SDHC: variants seen among roughly 807,000 people sequenced by gnomAD.
SDHC encodes succinate dehydrogenase complex subunit C.
In SDHC, 11 loss-of-function variants were observed where a neutral mutation model predicts 22.6. That is an observed-to-expected ratio of 0.49 (90% CI 0.31 to 0.81). SDHC has a LOEUF of 0.81. Among genes scored for constraint, SDHC ranks in the 30% least tolerant of loss-of-function variants. The pLI is 0.05. For synonymous variants in SDHC, 80 were observed against 77.8 expected (o/e 1.03, Z -0.15); for missense variants, 160 against 212.0 (o/e 0.75, Z 1.52).
chr1:161,335,060 G>A (rs1350695354), intron 3 of SDHC, among the ~76,000 whole-genome samples: 1 of 152,184 alleles, frequency 6.6e-6, no homozygotes, highest in East Asian at 1.9e-4. Context: ...TTTTCCTGCA[G>A]TATGGGAGAG....
chr1:161,341,309 C>G (rs890593871), intron 4 of SDHC, among the ~76,000 whole-genome samples: 5 of 152,330 alleles, frequency 3.3e-5, no homozygotes, highest in Admixed American at 2.0e-4. Context: ...AGCACCCATT[C>G]TTATCACCTA....
intron 1 of SDHC, among the ~76,000 whole-genome samples, chr1:161,317,625 A>G (rs113972205): frequency 0.12 from 16,137 of 136,644 alleles, 1,288 homozygotes; most frequent in African/African-American, 0.22. Flanking sequence ...GCAGTGGCGC[A>G]ATCTCAGCTC....
chr1:161,323,623 T>C lies in SDHC; in HGVS notation c.30T>C (p.Gly10=), dbSNP rs1170595036. The change falls in exon 2 of 6, where the codon GGT becomes GGC. Residue 10 remains glycine, a synonymous_variant. Coordinates refer to ENST00000367975, the MANE Select transcript of SDHC (RefSeq NM_003001.5). ...TTCTCTTATCTTGCAGACACGTTGG[T>C]CGTCATTGCCTCCGAGCCCACTTTA... The part of the protein sequence containing the change: MAALLLRHV[G]RHCLRAHFSP... 1 of 1,613,692 alleles carries C rather than the reference T, an allele frequency of 6.2e-7. No homozygotes were observed. The highest frequency in any genetic ancestry group is 1.7e-5 in the Admixed American group (1 of 60,016).
At chr1:161,321,996 G>A (rs1405307092) in intron 1 of SDHC, among the ~76,000 whole-genome samples, 1 of 152,160 alleles carries the variant, frequency 6.6e-6, no homozygotes, top group East Asian at 1.9e-4. Context: ...ATGGTCGTGT[G>A]TTTTTCATAG....
intron 3 of SDHC, among the ~76,000 whole-genome samples, chr1:161,329,889 G>A (rs942683717): frequency 1.3e-5 from 2 of 152,072 alleles, no homozygotes; most frequent in South Asian, 2.1e-4. Context: ...AGTCCTTCTC[G>A]CTTTGTATCA....
At chr1:161,342,330 G>A (rs1468042912) in intron 4 of SDHC, among the ~76,000 whole-genome samples, 1 of 152,140 alleles carries the variant, frequency 6.6e-6, no homozygotes. Context: ...GTAGTGGAGT[G>A]CTTTCTAAAA....
In SDHC at chr1:161,328,505, A is replaced by C. The variant is rs2102308122; in HGVS notation, c.179+8A>C. On this transcript the variant is annotated splice_region_variant and intron_variant, in intron 3 of 5. Transcript: ENST00000367975. ...CCACATTACTATCTACAGGTAAGGA[A>C]GGATTCTGGAGCCAGAGAATCTAGA... 1 of 1,563,840 alleles carries C rather than the reference A, an allele frequency of 6.4e-7. No homozygotes were observed. The highest frequency in any genetic ancestry group is 8.8e-7 in the Non-Finnish European group (1 of 1,134,096).
At chr1:161,355,147 A>G (rs1672227304) in intron 4 of SDHC, among the ~76,000 whole-genome samples, 1 of 152,214 alleles carries the variant, frequency 6.6e-6, no homozygotes, top group Non-Finnish European at 1.5e-5. Flanking sequence ...TTTCTTTCAC[A>G]TAGGGAAATA....
intron 1 of SDHC, among the ~76,000 whole-genome samples, chr1:161,318,632 A>G (rs1035259384): frequency 3.9e-5 from 6 of 152,244 alleles, no homozygotes; most frequent in East Asian, 1.9e-4. Context: ...TTAACTCTCA[A>G]TTTATGAAAC....
chr1:161,348,402 G>T (rs983045211), intron 4 of SDHC, among the ~76,000 whole-genome samples: 1 of 151,418 alleles, frequency 6.6e-6, no homozygotes, highest in Non-Finnish European at 1.5e-5. Flanking sequence ...CAAGTGATCC[G>T]CCTGCCTCTG....
intron 3 of SDHC, among the ~76,000 whole-genome samples, chr1:161,337,147 C>T (rs750202373): frequency 1.3e-5 from 2 of 151,258 alleles, no homozygotes; most frequent in Non-Finnish European, 2.9e-5. Context: ...CCCTAAAGTG[C>T]TAGGATTACA....
At chr1:161,345,647 A>G (rs943967759) in intron 4 of SDHC, among the ~76,000 whole-genome samples, 19 of 151,966 alleles carry the variant, frequency 1.3e-4, no homozygotes, top group African/African-American at 3.4e-4. Flanking sequence ...TAGTAGAGAC[A>G]GGGTTTCACC....
At chr1:161,344,480 G>A (rs578188465) in intron 4 of SDHC, among the ~76,000 whole-genome samples, 3 of 151,810 alleles carry the variant, frequency 2.0e-5, no homozygotes, top group Non-Finnish European at 4.4e-5. Flanking sequence ...AAAGAAAAAA[G>A]TTGTTTTTTT....
At chr1:161,320,660 T>C (rs1202227878) in intron 1 of SDHC, among the ~76,000 whole-genome samples, 1 of 152,092 alleles carries the variant, frequency 6.6e-6, no homozygotes, top group Non-Finnish European at 1.5e-5. Flanking sequence ...ATATGTTACA[T>C]ATATATGTGG....
chr1:161,344,683 A>G (rs1004528895), intron 4 of SDHC, among the ~76,000 whole-genome samples: 4 of 152,126 alleles, frequency 2.6e-5, no homozygotes, highest in Non-Finnish European at 5.9e-5. Flanking sequence ...TGCCAGGTGG[A>G]TGACTTAAGC....
intron 4 of SDHC, among the ~76,000 whole-genome samples, chr1:161,352,272 A>G (rs750742244): frequency 2.6e-5 from 4 of 152,206 alleles, no homozygotes; most frequent in Non-Finnish European, 4.4e-5. Flanking sequence ...TTTCAATTGA[A>G]TTAACTGATT....
chr1:161,346,151 CTCTA>C (rs1232187864), intron 4 of SDHC, among the ~76,000 whole-genome samples: 5 of 152,166 alleles, frequency 3.3e-5, no homozygotes, highest in South Asian at 2.1e-4. Context: ...AGAGTGGATA[CTCTA>C]TCTATCTTAT....
At chr1:161,332,447 G>A (rs2102316914) in intron 3 of SDHC, among the ~76,000 whole-genome samples, 1 of 152,248 alleles carries the variant, frequency 6.6e-6, no homozygotes, top group South Asian at 2.1e-4. Context: ...CTTTCCACAA[G>A]TTTTTAATAA....
At chr1:161,357,801 A>G (rs1672340650) in intron 5 of SDHC, among the ~76,000 whole-genome samples, 1 of 152,204 alleles carries the variant, frequency 6.6e-6, no homozygotes. Flanking sequence ...TGTGTCAGGT[A>G]CTGTTGTAGA....
Sources: allele counts gnomAD v4.1 joint callset (sites outside exome capture counted in the v4.1 genomes callset), GRCh38; gene constraint gnomAD v4.1.1; transcripts MANE v1.5; gene names NCBI Gene and HGNC (gene_info 2026-07-23, HGNC 2026-07-21).